TRIM67: variants seen among roughly 807,000 people sequenced by gnomAD.
The protein encoded by TRIM67 is tripartite motif-containing protein 67.
TRIM67 carries 39 observed loss-of-function variants against 71.0 expected under a neutral mutation model. The observed-to-expected ratio is 0.55, with a 90% CI of 0.43 to 0.72. The LOEUF (loss-of-function observed/expected upper bound fraction) is 0.72. Ranked by LOEUF, TRIM67 falls within the 30% of genes least tolerant of loss-of-function variation. The pLI is 0.00. For synonymous variants in TRIM67, 481 were observed against 473.9 expected (o/e 1.01, Z -0.19); for missense variants, 973 against 1,079.2 (o/e 0.90, Z 1.38).
At chr1:231,176,412 G>A (rs1682751128) in intron 1 of TRIM67, among the ~76,000 whole-genome samples, 1 of 151,936 alleles carries the variant, frequency 6.6e-6, no homozygotes, top group African/African-American at 2.4e-5. Flanking sequence ...AGAGTGGTAA[G>A]TGGGGAAACT....
intron 1 of TRIM67, among the ~76,000 whole-genome samples, chr1:231,169,809 T>C (rs906315021): frequency 3.9e-5 from 6 of 152,142 alleles, no homozygotes; most frequent in Non-Finnish European, 8.8e-5. Context: ...CTCAGAGCCC[T>C]GGGAAGATGA....
At chr1:231,214,778 CA>C (rs748778482) in intron 9 of TRIM67, among the ~76,000 whole-genome samples, 3,428 of 43,966 alleles carry the variant, frequency 0.078, 19 homozygotes, top group Non-Finnish European at 0.091. Flanking sequence ...GACTTCATCT[CA>C]AAAAAAAAAA....
At chr1:231,168,253 C>T (rs868827255) in intron 1 of TRIM67, among the ~76,000 whole-genome samples, 10 of 151,216 alleles carry the variant, frequency 6.6e-5, no homozygotes, top group Middle Eastern at 3.4e-3. Flanking sequence ...CGCCTGTAGG[C>T]GTGAGCGACT....
intron 1 of TRIM67, chr1:231,187,715 G>T: frequency 1.4e-6 from 1 of 725,198 alleles, no homozygotes; most frequent in Non-Finnish European, 2.2e-6. Context: ...GGGAAAGGCG[G>T]GCAGAAGGAA....
chr1:231,213,707 G>C, intron 8 of TRIM67, 108 bp from the exon 9 acceptor site: 1 of 1,353,886 alleles, frequency 7.4e-7, no homozygotes, highest in Non-Finnish European at 1.0e-6. Flanking sequence ...CTCCAGCCTG[G>C]GTGACAGAGT....
chr1:231,211,027 A>ATATAT (rs1553328710), intron 8 of TRIM67, among the ~76,000 whole-genome samples: 26 of 130,470 alleles, frequency 2.0e-4, no homozygotes, highest in African/African-American at 6.8e-4. Context: ...TACCAAAAAA[A>ATATAT]AAAAATATAT....
chr1:231,201,987 T>C (rs867274362), intron 5 of TRIM67, among the ~76,000 whole-genome samples: 1 of 1,280 alleles, frequency 7.8e-4, no homozygotes, highest in South Asian at 0.017. Context: ...GTAGATGCCA[T>C]GCGGTGAGAT....
chr1:231,194,016 A>G (rs1278641035), intron 1 of TRIM67, among the ~76,000 whole-genome samples: 2 of 152,194 alleles, frequency 1.3e-5, no homozygotes, highest in Non-Finnish European at 2.9e-5. Flanking sequence ...CCACGTGAGG[A>G]CCTAACCCAG....
intron 1 of TRIM67, among the ~76,000 whole-genome samples, chr1:231,166,294 C>A (rs985359520): frequency 1.3e-5 from 2 of 152,164 alleles, no homozygotes; most frequent in Non-Finnish European, 2.9e-5. Flanking sequence ...TCAGCAGGTG[C>A]TGTTGATTTC....
At chr1:231,206,345 G>A (rs557776928) in intron 6 of TRIM67, among the ~76,000 whole-genome samples, 207 of 152,010 alleles carry the variant, frequency 1.4e-3, no homozygotes, top group African/African-American at 4.7e-3. Flanking sequence ...GGAGGCTGAC[G>A]CAGGAGAATC....
At chr1:231,181,649 T>C (rs2102727216) in intron 1 of TRIM67, among the ~76,000 whole-genome samples, 1 of 152,352 alleles carries the variant, frequency 6.6e-6, no homozygotes, top group Middle Eastern at 3.4e-3. Context: ...TCTAGCAGTG[T>C]CCTCTACTAG....
At chr1:231,166,232 A>T (rs1414233841) in intron 1 of TRIM67, among the ~76,000 whole-genome samples, 1 of 152,224 alleles carries the variant, frequency 6.6e-6, no homozygotes, top group Admixed American at 6.5e-5. Context: ...ACTACAAGTT[A>T]CTTTTGTGAA....
intron 7 of TRIM67, among the ~76,000 whole-genome samples, chr1:231,207,059 G>A (rs535999501): frequency 2.0e-5 from 3 of 152,310 alleles, no homozygotes; most frequent in East Asian, 1.9e-4. Context: ...GTGCAGGGCC[G>A]GAGGGGCCGG....
At chr1:231,203,237 C>T (rs149910346) in intron 5 of TRIM67, among the ~76,000 whole-genome samples, 144 of 152,370 alleles carry the variant, frequency 9.5e-4, no homozygotes, top group African/African-American at 3.4e-3. Context: ...ACTTCTCCCA[C>T]TCTCACCTTA....
intron 5 of TRIM67, among the ~76,000 whole-genome samples, chr1:231,202,809 C>A (rs1683587505): frequency 6.6e-6 from 1 of 152,158 alleles, no homozygotes; most frequent in African/African-American, 2.4e-5. Context: ...GCAGGAGGAG[C>A]CTGGCAGAGT....
At chr1:231,198,394 CT>C (rs60581267) in intron 2 of TRIM67, among the ~76,000 whole-genome samples, 20 of 149,120 alleles carry the variant, frequency 1.3e-4, no homozygotes, top group African/African-American at 2.9e-4. Flanking sequence ...GGACTGAATT[CT>C]TTTTTTTTTG....
Position 231,201,503 on chromosome 1 carries a change from A to T in TRIM67, c.1520A>T (p.Gln507Leu). The T allele has an allele frequency of 6.2e-7, 1 of 1,613,826 alleles. No individual in the cohort carries two copies. Among genetic ancestry groups the T allele is most frequent in the South Asian group, 1.1e-5 (1 of 91,014 alleles). ...GCCATCCACCAGCTGGACTTCATTC[A>T]GATGAAATGTAGGGGTGAGCCGCGG... is the stretch of plus-strand genomic sequence containing the variant. ...LQAIHQLDFI[Q>L]MKCRVPPVPL... Residue 507 changes from glutamine to leucine, a missense_variant, in exon 5 of 10, where the codon CAG (glutamine) becomes CTG (leucine). Gln to Leu is a moderately radical substitution (Grantham distance 113). Around this residue, in one of 2 missense-constraint regions of TRIM67, gnomAD observed 795 missense variants for 831.3 expected, o/e 0.96. Transcript: ENST00000366653.
intron 1 of TRIM67, among the ~76,000 whole-genome samples, chr1:231,190,589 G>T (rs1165132971): frequency 2.0e-5 from 3 of 152,178 alleles, no homozygotes; most frequent in African/African-American, 7.2e-5. Context: ...ACCCAGCATT[G>T]CTCCCTTCGT....
Position 231,221,507 on chromosome 1 carries a change from T to A in TRIM67, c.*6067T>A, listed in dbSNP as rs1352116737. ...GTATTACCTTTTGGAAAACCTGAGT[T>A]TTACCACAGTCTTAAGCAGATTTGA... On this transcript the variant is annotated 3_prime_UTR_variant, in exon 10 of 10. Coordinates refer to ENST00000366653, the MANE Select transcript of TRIM67 (RefSeq NM_001004342.5). 1 of 152,644 alleles carries A rather than the reference T, an allele frequency of 6.6e-6. No individual in the cohort carries two copies. The highest frequency in any genetic ancestry group is 1.9e-4 in the East Asian group (1 of 5,196). The allele number at this position is 152,644 out of a possible 1,614,324, so 9.5% of individuals were successfully genotyped here. A position where few individuals can be genotyped will look rare whatever the true frequency, so the allele number is the denominator to read the frequency against.
Sources: gnomAD v4.1 joint callset for allele counts (sites outside exome capture counted in the v4.1 genomes callset) on GRCh38, gnomAD v4.1.1 for gene constraint, gnomAD v4.1.1 regional missense constraint, MANE v1.5 for transcripts, NCBI Gene and HGNC (gene_info 2026-07-23, HGNC 2026-07-21) for gene names.